Variants in ZFAND3 observed in about 807,000 individuals in gnomAD.
ZFAND3 encodes zinc finger AN1-type containing 3.
Under a neutral mutation model 29.6 loss-of-function variants are expected in ZFAND3, and 10 were observed. The ratio of observed to expected loss-of-function variants is 0.34; its 90% CI spans 0.21 to 0.57. The LOEUF is 0.57. Among genes scored for constraint, ZFAND3 ranks in the 20% least tolerant of loss-of-function variants. ZFAND3 has a pLI of 0.86. For missense variants in ZFAND3, 230 were observed against 304.5 expected, an observed-to-expected ratio of 0.76 and a Z score of 1.82; for synonymous variants, 128 against 112.6, an observed-to-expected ratio of 1.14 and a Z score of -0.87.
intron 3 of ZFAND3, among the ~76,000 whole-genome samples, chr6:38,076,907 C>T (rs1026030107): frequency 5.9e-5 from 9 of 152,074 alleles, no homozygotes; most frequent in African/African-American, 1.9e-4. Context: ...TACTGTGTAC[C>T]TGATACACAT....
chr6:37,906,327 G>T (rs906659784), intron 1 of ZFAND3, among the ~76,000 whole-genome samples: 1 of 152,022 alleles, frequency 6.6e-6, no homozygotes, highest in African/African-American at 2.4e-5. Context: ...TGTTTTCAGG[G>T]CTTATCCGTG....
intron 4 of ZFAND3, among the ~76,000 whole-genome samples, chr6:38,084,041 A>G: frequency 6.6e-6 from 1 of 152,194 alleles, no homozygotes; most frequent in Non-Finnish European, 1.5e-5. Context: ...AAACTTAAGT[A>G]TATTTTCTGA....
intron 2 of ZFAND3, among the ~76,000 whole-genome samples, chr6:38,010,845 C>G (rs1763137061): frequency 6.6e-6 from 1 of 151,566 alleles, no homozygotes; most frequent in African/African-American, 2.4e-5. Flanking sequence ...AGGTGATCCG[C>G]TCACCTCGGC....
chr6:37,909,573 G>A (rs925366548), intron 1 of ZFAND3, among the ~76,000 whole-genome samples: 5 of 150,776 alleles, frequency 3.3e-5, no homozygotes, highest in East Asian at 2.0e-4. Context: ...GAGCCACTGC[G>A]CTCAGCCTAG....
chr6:38,025,689 A>G (rs1763433967), intron 2 of ZFAND3, among the ~76,000 whole-genome samples: 1 of 152,212 alleles, frequency 6.6e-6, no homozygotes. Flanking sequence ...TCAGAGATAT[A>G]AAAGAATGAA....
At chr6:38,148,413 C>T (rs961676536) in intron 5 of ZFAND3, among the ~76,000 whole-genome samples, 1 of 152,176 alleles carries the variant, frequency 6.6e-6, no homozygotes, top group Non-Finnish European at 1.5e-5. Context: ...TGTTTTCATC[C>T]CTTCTGGATG....
intron 5 of ZFAND3, among the ~76,000 whole-genome samples, chr6:38,151,237 C>G (rs951362707): frequency 6.6e-6 from 1 of 152,190 alleles, no homozygotes; most frequent in South Asian, 2.1e-4. Flanking sequence ...GTGACTTTAC[C>G]TGTACCGGCT....
chr6:37,876,899 G>A (rs1251647221), intron 1 of ZFAND3, among the ~76,000 whole-genome samples: 1 of 152,130 alleles, frequency 6.6e-6, no homozygotes, highest in Non-Finnish European at 1.5e-5. Context: ...TTGTTTTTAT[G>A]CTATTAAATT....
At chr6:37,853,432 A>G (rs1253105991) in intron 1 of ZFAND3, among the ~76,000 whole-genome samples, 2 of 151,538 alleles carry the variant, frequency 1.3e-5, no homozygotes, top group African/African-American at 2.4e-5. Flanking sequence ...AAAAAAAAAA[A>G]AAGAAGGTGG....
chr6:38,124,289 G>A (rs1314868119), intron 5 of ZFAND3, among the ~76,000 whole-genome samples: 7 of 152,244 alleles, frequency 4.6e-5, no homozygotes, highest in South Asian at 4.1e-4. Context: ...CACTGGAGCC[G>A]CAGGTGGAGC....
intron 2 of ZFAND3, among the ~76,000 whole-genome samples, chr6:37,946,679 A>G (rs1462895376): frequency 1.3e-5 from 2 of 152,316 alleles, no homozygotes; most frequent in East Asian, 1.9e-4. Flanking sequence ...TTATCAAATA[A>G]TTGATGTTTA....
chr6:38,152,582 C>T lies in ZFAND3; in HGVS notation c.*193C>T. On this transcript the variant is annotated 3_prime_UTR_variant, in exon 6 of 6. Coordinates refer to ENST00000287218, the MANE Select transcript of ZFAND3 (RefSeq NM_021943.3). ...GTTGAAATTGATTTCTGGCTGGTTA[C>T]TAAGGTGCCTGCTAGCCATTGTATA... The T allele has an allele frequency of 1.6e-6, 2 of 1,265,038 alleles. No individual in the cohort carries two copies. Among genetic ancestry groups the T allele is most frequent in the South Asian group, 3.3e-5 (1 of 30,712 alleles). 78.4% of individuals were successfully genotyped at this position (1,265,038 alleles called of 1,614,324 possible).
At chr6:37,970,464 A>G (rs1320705283) in intron 2 of ZFAND3, among the ~76,000 whole-genome samples, 2 of 152,166 alleles carry the variant, frequency 1.3e-5, no homozygotes, top group Non-Finnish European at 2.9e-5. Flanking sequence ...CTAAGTATTG[A>G]CAGAATTTGG....
chr6:38,152,681 T>C lies in ZFAND3; in HGVS notation c.*292T>C. On this transcript the variant is annotated 3_prime_UTR_variant, in exon 6 of 6. Coordinates refer to ENST00000287218, the MANE Select transcript of ZFAND3 (RefSeq NM_021943.3). ...TAAAACAACACATACCTGTCACTGC[T>C]GGAGTCAAACTTATAAAAAGCCTTA... 9.0e-7 allele frequency: 1 copy of C among 1,108,166 alleles called. No individual in the cohort carries two copies. Among genetic ancestry groups the C allele is most frequent in the Non-Finnish European group, 1.1e-6 (1 of 909,940 alleles). The allele number at this position is 1,108,166 out of a possible 1,614,324, so 68.6% of individuals were successfully genotyped here. A position where few individuals can be genotyped will look rare whatever the true frequency, so the allele number is the denominator to read the frequency against.
intron 3 of ZFAND3, among the ~76,000 whole-genome samples, chr6:38,074,103 G>A (rs977892768): frequency 6.6e-5 from 10 of 152,100 alleles, no homozygotes; most frequent in African/African-American, 2.4e-4. Flanking sequence ...CTATACCAGT[G>A]GTTCTCAAAT....
At chr6:37,894,590 T>C (rs1445031465) in intron 1 of ZFAND3, among the ~76,000 whole-genome samples, 1 of 152,148 alleles carries the variant, frequency 6.6e-6, no homozygotes, top group East Asian at 1.9e-4. Context: ...CAGGCTGGTC[T>C]CAAACTCCTG....
intron 1 of ZFAND3, among the ~76,000 whole-genome samples, chr6:37,864,876 C>T (rs1172961530): frequency 1.3e-5 from 2 of 152,188 alleles, no homozygotes; most frequent in African/African-American, 4.8e-5. Flanking sequence ...TGCTCAAGTC[C>T]CTGATGTAAA....
At chr6:37,882,651 C>T (rs1764917669) in intron 1 of ZFAND3, among the ~76,000 whole-genome samples, 1 of 151,624 alleles carries the variant, frequency 6.6e-6, no homozygotes. Flanking sequence ...GTTTGTGCCC[C>T]CCACCCTTCC....
At chr6:37,829,232 T>TAA (rs57037823) in intron 1 of ZFAND3, among the ~76,000 whole-genome samples, 45,972 of 144,594 alleles carry the variant, frequency 0.32, 7,623 homozygotes, top group Non-Finnish European at 0.39. Flanking sequence ...TTTGTTGCTT[T>TAA]AAAAAAAAAA....
Sources: gnomAD v4.1 joint callset for allele counts (sites outside exome capture counted in the v4.1 genomes callset) on GRCh38, gnomAD v4.1.1 for gene constraint, MANE v1.5 for transcripts, NCBI Gene and HGNC (gene_info 2026-07-23, HGNC 2026-07-21) for gene names.